The following PLXNB1 variants were observed in gnomAD, a reference collection of about 807,000 sequenced individuals.
PLXNB1 encodes the protein plexin-B1.
Under a neutral mutation model 209.4 loss-of-function variants are expected in PLXNB1, and 106 were observed. That is an observed-to-expected ratio of 0.51 (90% CI 0.43 to 0.59). PLXNB1 has a LOEUF of 0.59. Among genes scored for constraint, PLXNB1 ranks in the 20% least tolerant of loss-of-function variants. The probability of loss-of-function intolerance (pLI) is 0.00; values close to 1 mark genes in which losing one functional copy is unlikely to be tolerated. For missense variants in PLXNB1, 2,357 were observed against 2,853.2 expected (o/e 0.83, Z 3.96); for synonymous variants, 1,167 against 1,183.2 (o/e 0.99, Z 0.28).
In PLXNB1 at chr3:48,423,056, G is replaced by A. The variant is rs1048281255; in HGVS notation, c.1108-109C>T. 4.9e-5 allele frequency: 45 copies of A among 920,300 alleles called. No homozygotes were observed. In the South Asian group the frequency reaches 6.2e-4, roughly 13 times the overall value. The allele number at this position is 920,300 out of a possible 1,614,324, so 57.0% of individuals were successfully genotyped here. Reference sequence around the variant, plus strand: ...CCCAGCCGCTCTGGTAGCTCTCCCTGTACAACTGTGTTTTCTCTGCTGGCC... The same window carrying A: ...CCCAGCCGCTCTGGTAGCTCTCCCTATACAACTGTGTTTTCTCTGCTGGCC... On this transcript the variant is annotated intron_variant, in intron 3 of 37. Transcript: ENST00000296440.
In PLXNB1 at chr3:48,411,010, C is replaced by A. The variant is rs754442874; in HGVS notation, c.5274G>T (p.Gly1758=). The change falls in exon 29 of 38, where the codon GGG becomes GGT. Residue 1758 remains glycine, a synonymous_variant. Coordinates refer to ENST00000296440, the MANE Select transcript of PLXNB1 (RefSeq NM_001130082.3). The surrounding 1 kb of genome is among the most constrained non-coding windows in gnomAD (Gnocchi z 4.0). The part of the protein sequence containing the change: ...PLTLNALLAV[G]PGAGEAQGVP... ...CGCCCTGGGCCTCTCCTGCCCCAGG[C>A]CCCACAGCCAATAGTGCATTCAAGG... 4.3e-6 allele frequency: 7 copies of A among 1,613,616 alleles called. No homozygotes were observed. In the South Asian group the frequency reaches 7.7e-5, roughly 18 times the overall value.
At chr3:48,428,417 G>A (rs542505194) in intron 1 of PLXNB1, among the ~76,000 whole-genome samples, 2 of 152,206 alleles carry the variant, frequency 1.3e-5, no homozygotes, top group African/African-American at 4.8e-5. Context: ...CTCTTCTGGG[G>A]CCACCCTACT....
At chr3:48,404,884 A>G (rs1332826612) in intron 37 of PLXNB1, among the ~76,000 whole-genome samples, 12 of 152,180 alleles carry the variant, frequency 7.9e-5, no homozygotes, top group Admixed American at 7.8e-4. Flanking sequence ...CCGCCAGCCA[A>G]CAGTATTTCC....
At chr3:48,427,590 G>A (rs1315772844) in intron 1 of PLXNB1, among the ~76,000 whole-genome samples, 2 of 151,980 alleles carry the variant, frequency 1.3e-5, no homozygotes, top group African/African-American at 2.4e-5. Flanking sequence ...AGGGATAAAG[G>A]CCTACCCCTC....
At chr3:48,421,944 G>A in intron 6 of PLXNB1, 138 bp from the exon 7 acceptor site, 1 of 1,375,220 alleles carries the variant, frequency 7.3e-7, no homozygotes, top group Non-Finnish European at 9.9e-7. Flanking sequence ...TGCCCTGGCA[G>A]GGCACTGATG....
chr3:48,412,363 T>A lies in PLXNB1; in HGVS notation c.5034-59A>T. The A allele has an allele frequency of 2.5e-6, 4 of 1,611,096 alleles. No individual in the cohort carries two copies. In the South Asian group the frequency reaches 4.4e-5, roughly 18 times the overall value. On this transcript the variant is annotated intron_variant, in intron 26 of 37. Coordinates refer to ENST00000296440, the MANE Select transcript of PLXNB1 (RefSeq NM_001130082.3). ...GCAGGTGGGGCTGCGGGCCTCTCTA[T>A]CCTGCAGACCCCCCAGCCCGAGGCC...
Position 48,429,824 on chromosome 3 carries a change from C to CCGCAGGT in PLXNB1, c.-60+183_-60+184insACCTGCG, listed in dbSNP as rs1180656015. ...GGAGCCGAGGCGGGGGGTCGCGCTC[C>CCGCAGGT]GCACCCGCAGGTGCTGGTGGAACAG... On this transcript the variant is annotated intron_variant, in intron 1 of 37. Coordinates refer to ENST00000296440, the MANE Select transcript of PLXNB1 (RefSeq NM_001130082.3). This position sits in a 1 kb window ranked among gnomAD's most constrained non-coding sequence, Gnocchi z 6.4. Among the ~76,000 whole-genome samples, 1 of 152,062 alleles carries CCGCAGGT rather than the reference C, an allele frequency of 6.6e-6. No homozygotes were observed. Among genetic ancestry groups the CCGCAGGT allele is most frequent in the East Asian group, 1.9e-4 (1 of 5,176 alleles).
Position 48,415,015 on chromosome 3 carries a change from G to A in PLXNB1, c.3993C>T (p.Ser1331=), listed in dbSNP as rs372813192. The part of the protein sequence containing the change: ...QQFEEPCHVN[S]SQLITCRTPA... ...GTGTGCGGCACGTGATGAGCTGGGA[G>A]GAGTTGACATGGCACGGCTCCTCAA... is the stretch of plus-strand genomic sequence containing the variant. The change falls in exon 21 of 38, where the codon TCC becomes TCT. Residue 1331 remains serine (S), a synonymous_variant. Coordinates refer to ENST00000296440, the MANE Select transcript of PLXNB1 (RefSeq NM_001130082.3). The surrounding 1 kb of genome is among the most constrained non-coding windows in gnomAD (Gnocchi z 5.0). 8 of 1,613,478 alleles carry A rather than the reference G, an allele frequency of 5.0e-6. No individual in the cohort carries two copies. The highest frequency in any genetic ancestry group is 3.3e-5 in the South Asian group (3 of 91,078).
At position 48,419,749 on chromosome 3, in the gene PLXNB1, C is replaced by T; in HGVS notation, c.2537G>A (p.Gly846Asp). The change falls in exon 11 of 38, where the codon GGC becomes GAC. Residue 846 changes from glycine to aspartate, a missense_variant. Around this residue, in one of 7 missense-constraint regions of PLXNB1, gnomAD observed 410 missense variants for 401.0 expected, o/e 1.02. Coordinates refer to ENST00000296440, the MANE Select transcript of PLXNB1 (RefSeq NM_001130082.3). The surrounding 1 kb of genome is among the most constrained non-coding windows in gnomAD (Gnocchi z 5.7). ...KPALDWLTRE[G>D]GELPEADEWT... Reference sequence around the variant, plus strand: ...CTCGTCCGCCTCGGGCAGCTCGCCGCCTTCTCTCGTGAGCCAGTCCAGGGC... The same window carrying T: ...CTCGTCCGCCTCGGGCAGCTCGCCGTCTTCTCTCGTGAGCCAGTCCAGGGC... The T allele has an allele frequency of 6.2e-7, 1 of 1,609,828 alleles. No individual in the cohort carries two copies. The highest frequency in any genetic ancestry group is 8.5e-7 in the Non-Finnish European group (1 of 1,178,836).
In PLXNB1 at chr3:48,421,130, T is replaced by C. The variant is rs1330055711; in HGVS notation, c.1810+98A>G. On this transcript the variant is annotated intron_variant, in intron 8 of 37. Transcript: ENST00000296440. ...GAGTGGGAGGACCCAGAGAAAGGCA[T>C]CCATTCATGGCTCTTTGCCTGGATT... 1.2e-5 allele frequency: 17 copies of C among 1,436,366 alleles called. No individual in the cohort carries two copies. In the East Asian group the frequency reaches 3.0e-4, roughly 25 times the overall value. The allele number at this position is 1,436,366 out of a possible 1,614,324, so 89.0% of individuals were successfully genotyped here.
chr3:48,428,916 C>A (rs538563272), intron 1 of PLXNB1, among the ~76,000 whole-genome samples: 1 of 152,248 alleles, frequency 6.6e-6, no homozygotes, highest in African/African-American at 2.4e-5. Context: ...CCCCGACCTC[C>A]CCACTCGGCT....
In PLXNB1 at chr3:48,416,378, G is replaced by A. The variant is rs1413574464; in HGVS notation, c.3448C>T (p.Arg1150Cys). 5 of 1,612,974 alleles carry A rather than the reference G, an allele frequency of 3.1e-6. No homozygotes were observed. Among genetic ancestry groups the A allele is most frequent in the South Asian group, 1.1e-5 (1 of 91,046 alleles). Residue 1150 changes from arginine to cysteine, a missense_variant, in exon 17 of 38, where the codon CGT (arginine) becomes TGT (cysteine). Transcript: ENST00000296440. The surrounding 1 kb of genome is among the most constrained non-coding windows in gnomAD (Gnocchi z 4.1). ...ATAVEVPGRG[R>C]GVSEHDFAYQ... ...GCAAAGTCGTGTTCTGAGACACCAC[G>A]TCCTCTTCCCGGCACCTCCACCGCT...
At position 48,405,840 on chromosome 3, in the gene PLXNB1, G is replaced by A; in HGVS notation, c.6229-42C>T. On this transcript the variant is annotated intron_variant, in intron 36 of 37. Transcript: ENST00000296440. The surrounding 1 kb of genome is among the most constrained non-coding windows in gnomAD (Gnocchi z 5.0). ...ATGAAAGGTGAGAGAGACGAGGGGT[G>A]CAGAGAGCCACAGGAGGCAGCCCAG... 1 of 1,549,010 alleles carries A rather than the reference G, an allele frequency of 6.5e-7. No homozygotes were observed. Among genetic ancestry groups the A allele is most frequent in the Non-Finnish European group, 8.9e-7 (1 of 1,124,174 alleles).
In PLXNB1 at chr3:48,424,300, G is replaced by T. The variant is rs2038760684; in HGVS notation, c.312C>A (p.Ser104Arg). 6.4e-7 allele frequency: 1 copy of T among 1,570,578 alleles called. No homozygotes were observed. Among genetic ancestry groups the T allele is most frequent in the Admixed American group, 1.9e-5 (1 of 53,312 alleles). Residue 104 changes from serine to arginine, a missense_variant, in exon 3 of 38, where the codon AGC (serine) becomes AGA (arginine). By Grantham distance (110) the Ser-to-Arg change is moderately radical (BLOSUM62 -1). Transcript: ENST00000296440. ...TNNPNQLLLV[S>R]PGALVVCGSV... ...TCCCGCATACCACCAGGGCCCCTGG[G>T]CTCACCAGGAGCAGCTGATTCGGGT...
At position 48,423,517 on chromosome 3, in the gene PLXNB1, T is replaced by C. The variant is rs752836902; in HGVS notation, c.1095A>G (p.Ala365=). 9 of 1,613,068 alleles carry C rather than the reference T, an allele frequency of 5.6e-6. No individual in the cohort carries two copies. Among genetic ancestry groups the C allele is most frequent in the Non-Finnish European group, 7.6e-6 (9 of 1,179,144 alleles). Residue 365 remains alanine (A), a synonymous_variant, in exon 3 of 38, where the codon GCA becomes GCG. Coordinates refer to ENST00000296440, the MANE Select transcript of PLXNB1 (RefSeq NM_001130082.3). The part of the protein sequence containing the change: ...YIEYDVNSDC[A]QLPVDTLDAY... ...TACTGGAACTCACCACTGGCAGCTGTGCACAGTCAGAATTGACATCATACT... is the reference window on the plus strand; with the variant it reads ...TACTGGAACTCACCACTGGCAGCTGCGCACAGTCAGAATTGACATCATACT...
Position 48,410,070 on chromosome 3 carries a change from T to G in PLXNB1, c.5613A>C (p.Pro1871=), listed in dbSNP as rs760122594. ...CCCCCTCATCTACATCCTCCAGCATTGGGGTCCCTGTGCCAAGAGCCCACA... is the reference window on the plus strand; with the variant it reads ...CCCCCTCATCTACATCCTCCAGCATGGGGGTCCCTGTGCCAAGAGCCCACA... The part of the protein sequence containing the change: ...NQDYVPGERT[P]MLEDVDEGGI... The change falls in exon 32 of 38, where the codon CCA becomes CCC. Residue 1871 remains proline (P), a synonymous_variant. Coordinates refer to ENST00000296440, the MANE Select transcript of PLXNB1 (RefSeq NM_001130082.3). This position sits in a 1 kb window ranked among gnomAD's most constrained non-coding sequence, Gnocchi z 6.4. 8 of 1,585,134 alleles carry G rather than the reference T, an allele frequency of 5.0e-6. No homozygotes were observed. Among genetic ancestry groups the G allele is most frequent in the Non-Finnish European group, 6.9e-6 (8 of 1,163,278 alleles).
At chr3:48,407,360 A>G (rs1273714847) in intron 34 of PLXNB1, among the ~76,000 whole-genome samples, 2 of 152,004 alleles carry the variant, frequency 1.3e-5, no homozygotes, top group Admixed American at 6.5e-5. Flanking sequence ...ACATGCCACC[A>G]TCTAGATCCA....
intron 27 of PLXNB1, 33 bp from the exon 28 acceptor site, chr3:48,412,042 C>A (rs751667012): frequency 7.6e-5 from 123 of 1,611,920 alleles, no homozygotes; most frequent in Non-Finnish European, 1.0e-4. Flanking sequence ...GGCCCCCCAG[C>A]AGGTGGCAGA....
chr3:48,423,456 G>A (rs1377799311), intron 3 of PLXNB1, 49 bp downstream of exon 3: 1 of 1,579,756 alleles, frequency 6.3e-7, no homozygotes, highest in Admixed American at 1.7e-5. Context: ...GCAAATGCTT[G>A]GCCAGTGGCC....
Sources: gnomAD v4.1 joint callset for allele counts (sites outside exome capture counted in the v4.1 genomes callset) on GRCh38, gnomAD v4.1.1 for gene constraint, gnomAD v4.1.1 regional missense constraint, Gnocchi (gnomAD v3.1) non-coding constraint, MANE v1.5 for transcripts, NCBI Gene and HGNC (gene_info 2026-07-23, HGNC 2026-07-21) for gene names.